CNOT2: variants seen among roughly 807,000 people sequenced by gnomAD.
The protein encoded by CNOT2 is CCR4-NOT transcription complex subunit 2.
A neutral mutation model predicts 72.1 loss-of-function variants in CNOT2; 7 were observed. The ratio of observed to expected loss-of-function variants is 0.10; its 90% CI spans 0.06 to 0.18. The LOEUF is 0.18. CNOT2 is among the 10% of genes least tolerant of loss of function. CNOT2 has a pLI of 1.00. For missense variants in CNOT2, 345 were observed against 660.3 expected, an observed-to-expected ratio of 0.52 and a Z score of 5.23; for synonymous variants, 196 against 225.6, an observed-to-expected ratio of 0.87 and a Z score of 1.17.
rs187064158 is a variant in CNOT2, at chr12:70,329,765, G to T, written c.386+195G>T. ...ACAAGTGGTTTTTATACTGCAGCTC[G>T]CATACTGGTTGTCAGTGGGGTGGAT... On this transcript the variant is annotated intron_variant, in intron 5 of 15. Transcript: ENST00000229195. The T allele has an allele frequency of 1.5e-5, 8 of 523,706 alleles. No homozygotes were observed. In the East Asian group the frequency reaches 2.1e-4, roughly 14 times the overall value. The allele number at this position is 523,706 out of a possible 1,614,324, so 32.4% of individuals were successfully genotyped here.
intron 3 of CNOT2, among the ~76,000 whole-genome samples, chr12:70,318,372 A>AT (rs1028206089): frequency 9.9e-5 from 15 of 151,274 alleles, no homozygotes; most frequent in Non-Finnish European, 1.8e-4. Flanking sequence ...ACAAATCTTT[A>AT]TTTTTTTTAA....
At chr12:70,249,048 A>G (rs962091926) in intron 1 of CNOT2, among the ~76,000 whole-genome samples, 5 of 152,066 alleles carry the variant, frequency 3.3e-5, no homozygotes, top group Non-Finnish European at 7.4e-5. Context: ...TTGTGTATTC[A>G]GATGTTGAAA....
chr12:70,315,466 G>A (rs1476029581), intron 3 of CNOT2, among the ~76,000 whole-genome samples: 2 of 152,042 alleles, frequency 1.3e-5, no homozygotes, highest in East Asian at 3.9e-4. Flanking sequence ...ATTATACAGA[G>A]TCTTTTAAAA....
intron 1 of CNOT2, among the ~76,000 whole-genome samples, chr12:70,246,913 A>G (rs887316161): frequency 2.6e-5 from 4 of 152,184 alleles, no homozygotes; most frequent in Admixed American, 1.3e-4. Flanking sequence ...ATCTGTTGGT[A>G]TATCCCTTGG....
chr12:70,337,297 G>T (rs1880836320), intron 8 of CNOT2, 92 bp from the exon 9 acceptor site: 4 of 1,017,702 alleles, frequency 3.9e-6, no homozygotes, highest in East Asian at 5.0e-5. Flanking sequence ...GAAACCTTTT[G>T]GTGTATTATC....
chr12:70,324,895 C>T (rs1878844477), intron 4 of CNOT2, among the ~76,000 whole-genome samples: 1 of 151,816 alleles, frequency 6.6e-6, no homozygotes, highest in Non-Finnish European at 1.5e-5. Flanking sequence ...CACCACCAAA[C>T]ACCTGGCTGA....
At chr12:70,293,330 T>G (rs1872261299) in intron 2 of CNOT2, among the ~76,000 whole-genome samples, 1 of 152,044 alleles carries the variant, frequency 6.6e-6, no homozygotes, top group Admixed American at 6.6e-5. Context: ...CCGGCTAATT[T>G]TGTATTTTTA....
chr12:70,250,025 C>T (rs1958060845), intron 1 of CNOT2, among the ~76,000 whole-genome samples: 1 of 152,098 alleles, frequency 6.6e-6, no homozygotes, highest in South Asian at 2.1e-4. Context: ...TCAGGCCAAA[C>T]TATTTGCTAC....
intron 2 of CNOT2, among the ~76,000 whole-genome samples, chr12:70,297,458 T>G (rs1873008857): frequency 6.6e-6 from 1 of 152,190 alleles, no homozygotes; most frequent in Non-Finnish European, 1.5e-5. Context: ...CTCCCTACAT[T>G]AGAGAATCTA....
intron 1 of CNOT2, among the ~76,000 whole-genome samples, chr12:70,260,737 T>C (rs561953994): frequency 6.6e-6 from 1 of 152,272 alleles, no homozygotes; most frequent in South Asian, 2.1e-4. Flanking sequence ...TTTGTTAGGT[T>C]TATGTGTTTA....
At chr12:70,262,692 G>A (rs1958834466) in intron 1 of CNOT2, among the ~76,000 whole-genome samples, 1 of 151,332 alleles carries the variant, frequency 6.6e-6, no homozygotes, top group South Asian at 2.1e-4. Flanking sequence ...TGTGTTTTTT[G>A]CGATGGAGTC....
At chr12:70,248,660 G>A (rs1257297855) in intron 1 of CNOT2, among the ~76,000 whole-genome samples, 1 of 152,024 alleles carries the variant, frequency 6.6e-6, no homozygotes, top group Admixed American at 6.6e-5. Flanking sequence ...AATCAAAACA[G>A]GATAGATGAC....
upstream of CNOT2, chr12:70,243,119 C>T (rs1257046957): frequency 1.3e-5 from 2 of 152,296 alleles, no homozygotes; most frequent in African/African-American, 4.8e-5. Context: ...CCAGAGCCTT[C>T]TGCGAAGCAA....
At chr12:70,244,443 T>A (rs2135672115) in intron 1 of CNOT2, 1 of 152,364 alleles carries the variant, frequency 6.6e-6, no homozygotes, top group African/African-American at 2.4e-5. Flanking sequence ...GTAACTGTGG[T>A]CCTTAGCAAA....
At chr12:70,309,488 A>G (rs1303610449) in intron 2 of CNOT2, among the ~76,000 whole-genome samples, 1 of 152,160 alleles carries the variant, frequency 6.6e-6, no homozygotes, top group East Asian at 1.9e-4. Flanking sequence ...CAACAGAGTT[A>G]CACGTAAAGT....
upstream of CNOT2, chr12:70,243,238 G>A (rs1383054569): frequency 6.6e-6 from 1 of 152,626 alleles, no homozygotes; most frequent in Non-Finnish European, 1.5e-5. Context: ...CGGAGCGGCG[G>A]TAAGGGCGGT....
intron 6 of CNOT2, 54 bp from the exon 7 acceptor site, chr12:70,332,713 A>C: frequency 6.6e-7 from 1 of 1,508,140 alleles, no homozygotes. Flanking sequence ...GTTTTTCTTC[A>C]TCTGAAAGTT....
chr12:70,271,753 G>A (rs1424813210), intron 1 of CNOT2, among the ~76,000 whole-genome samples: 1 of 152,140 alleles, frequency 6.6e-6, no homozygotes, highest in Non-Finnish European at 1.5e-5. Flanking sequence ...CTTTTAGAGT[G>A]TCAACCAGGA....
intron 3 of CNOT2, among the ~76,000 whole-genome samples, chr12:70,317,126 CT>C (rs1565805319): frequency 6.6e-6 from 1 of 151,838 alleles, no homozygotes; most frequent in Admixed American, 6.6e-5. Flanking sequence ...CTTTTACCTC[CT>C]TTTTTTGATG....
Sources: gnomAD v4.1 joint callset for allele counts (sites outside exome capture counted in the v4.1 genomes callset) on GRCh38, gnomAD v4.1.1 for gene constraint, MANE v1.5 for transcripts, NCBI Gene and HGNC (gene_info 2026-07-23, HGNC 2026-07-21) for gene names.